The following GPC5 variants were observed in gnomAD, a reference collection of about 807,000 sequenced individuals.
GPC5 encodes glypican 5, also known as glypican-5.
GPC5 carries 47 observed loss-of-function variants against 53.9 expected under a neutral mutation model. The ratio of observed to expected loss-of-function variants is 0.87; its 90% CI spans 0.69 to 1.11. The LOEUF (loss-of-function observed/expected upper bound fraction) is 1.11. GPC5 is among the 50% of genes most tolerant of loss of function. GPC5 has a pLI of 0.00. For missense variants in GPC5, 748 were observed against 713.1 expected (o/e 1.05, Z -0.56); for synonymous variants, 286 against 263.3 (o/e 1.09, Z -0.84).
At chr13:91,743,794 C>A (rs1313350094) in intron 4 of GPC5, among the ~76,000 whole-genome samples, 1 of 152,162 alleles carries the variant, frequency 6.6e-6, no homozygotes, top group Admixed American at 6.5e-5. Context: ...CCACCATGAT[C>A]TGTAGAATCA....
chr13:92,839,436 G>C (rs1197390188), intron 7 of GPC5, among the ~76,000 whole-genome samples: 1 of 151,964 alleles, frequency 6.6e-6, no homozygotes, highest in East Asian at 1.9e-4. Context: ...TATTTTTCCT[G>C]ATCTTCTCAC....
At chr13:92,150,286 T>C (rs1233856954) in intron 7 of GPC5, among the ~76,000 whole-genome samples, 1 of 141,504 alleles carries the variant, frequency 7.1e-6, no homozygotes, top group Non-Finnish European at 1.5e-5. Flanking sequence ...GATAAAACCA[T>C]AGAAAAATTC....
chr13:91,617,886 A>G (rs566062647), intron 2 of GPC5, among the ~76,000 whole-genome samples: 2 of 152,296 alleles, frequency 1.3e-5, no homozygotes, highest in South Asian at 4.1e-4. Flanking sequence ...GAAAGCAGCC[A>G]TAGACAATAT....
At position 91,714,383 on chromosome 13, in the gene GPC5, C is replaced by T. The variant is rs1019393673; in HGVS notation, c.1021-14149C>T. 2.6e-5 allele frequency among the ~76,000 whole-genome samples: 4 copies of T among 152,184 alleles called. No individual in the cohort carries two copies. In the East Asian group the frequency reaches 7.7e-4, roughly 29 times the overall value. On this transcript the variant is annotated intron_variant, in intron 3 of 7. Transcript: ENST00000377067. ...TTAGGATACAATCACACACACACAC[C>T]GTGGAAGATTATGCAAGGTTCATAA...
intron 7 of GPC5, among the ~76,000 whole-genome samples, chr13:92,640,100 T>G (rs908066078): frequency 6.6e-6 from 1 of 152,084 alleles, no homozygotes; most frequent in African/African-American, 2.4e-5. Flanking sequence ...CAGATATATA[T>G]GTATGCACAA....
At chr13:91,861,415 G>A (rs1402731043) in intron 5 of GPC5, among the ~76,000 whole-genome samples, 1 of 151,906 alleles carries the variant, frequency 6.6e-6, no homozygotes, top group Non-Finnish European at 1.5e-5. Flanking sequence ...GCCCCCTTTG[G>A]CATATTATTG....
intron 2 of GPC5, among the ~76,000 whole-genome samples, chr13:91,614,523 G>C (rs2139328484): frequency 6.6e-6 from 1 of 152,106 alleles, no homozygotes; most frequent in South Asian, 2.1e-4. Context: ...GTAGAGACAG[G>C]ATCTCCCTAT....
chr13:92,057,144 G>A (rs2041081485), intron 6 of GPC5, among the ~76,000 whole-genome samples: 1 of 152,102 alleles, frequency 6.6e-6, no homozygotes, highest in Non-Finnish European at 1.5e-5. Context: ...TATCTGGATG[G>A]CAATAGATTT....
chr13:91,568,701 T>A (rs1193199006), intron 2 of GPC5, among the ~76,000 whole-genome samples: 1 of 152,000 alleles, frequency 6.6e-6, no homozygotes, highest in African/African-American at 2.4e-5. Context: ...GTACTTATCT[T>A]AAAATAGGCT....
At chr13:91,452,473 G>A (rs1175448800) in intron 2 of GPC5, among the ~76,000 whole-genome samples, 1 of 152,124 alleles carries the variant, frequency 6.6e-6, no homozygotes, top group Non-Finnish European at 1.5e-5. Flanking sequence ...AACAATAACT[G>A]TTCTTCATTT....
intron 7 of GPC5, among the ~76,000 whole-genome samples, chr13:92,467,798 G>A (rs1566603212): frequency 1.3e-5 from 2 of 151,780 alleles, no homozygotes; most frequent in Admixed American, 6.6e-5. Context: ...TTCCCTCCCC[G>A]AAAAAACATT....
At chr13:91,536,772 T>G (rs1271645750) in intron 2 of GPC5, among the ~76,000 whole-genome samples, 1 of 152,162 alleles carries the variant, frequency 6.6e-6, no homozygotes, top group Non-Finnish European at 1.5e-5. Flanking sequence ...CCCAGAACTA[T>G]GAAACAATAA....
intron 7 of GPC5, among the ~76,000 whole-genome samples, chr13:92,557,078 A>G (rs780801409): frequency 4.6e-5 from 7 of 151,442 alleles, no homozygotes; most frequent in Admixed American, 1.3e-4. Context: ...TGGTCTTAGC[A>G]CGATTTTAGG....
chr13:91,785,306 C>G (rs763016697), intron 5 of GPC5, among the ~76,000 whole-genome samples: 1 of 152,152 alleles, frequency 6.6e-6, no homozygotes, highest in Non-Finnish European at 1.5e-5. Flanking sequence ...AGCAGTATCC[C>G]TGGTCTCTAA....
rs199916847 is a variant in GPC5, at chr13:92,734,709, T to TA, written c.1562-131571dup. The stretch of plus-strand genomic sequence containing the variant: ...TTCAAATTAGAAAATGTAGTGTACT[T>TA]AATGTTTTCTTTGTTGCTTTTCAGT... On this transcript the variant is annotated intron_variant, in intron 7 of 7. Coordinates refer to ENST00000377067, the MANE Select transcript of GPC5 (RefSeq NM_004466.6). Among the ~76,000 whole-genome samples the TA allele has an allele frequency of 6.0e-3, 919 of 152,016 alleles. 12 individuals carry two copies. Among genetic ancestry groups the TA allele is most frequent in the African/African-American group, 0.021 (878 of 41,522 alleles).
chr13:91,923,322 G>A (rs2039735042), intron 6 of GPC5, among the ~76,000 whole-genome samples: 1 of 152,162 alleles, frequency 6.6e-6, no homozygotes, highest in Admixed American at 6.5e-5. Flanking sequence ...GTTTGTCAGA[G>A]CAGAGCAATT....
At chr13:92,592,707 T>C (rs1883752824) in intron 7 of GPC5, among the ~76,000 whole-genome samples, 1 of 150,888 alleles carries the variant, frequency 6.6e-6, no homozygotes, top group Non-Finnish European at 1.5e-5. Flanking sequence ...AGGGAGTGAG[T>C]GGTTCATAAG....
intron 7 of GPC5, among the ~76,000 whole-genome samples, chr13:92,858,690 G>A (rs548375476): frequency 1.3e-5 from 2 of 152,206 alleles, no homozygotes; most frequent in South Asian, 4.1e-4. Context: ...GGCTGAAAAA[G>A]TTCCTATTGG....
At chr13:92,007,767 C>A (rs1450484252) in intron 6 of GPC5, among the ~76,000 whole-genome samples, 1 of 152,038 alleles carries the variant, frequency 6.6e-6, no homozygotes. Context: ...CTAGCTTGTT[C>A]TTTTCCTCCT....
Sources: allele counts gnomAD v4.1 joint callset (sites outside exome capture counted in the v4.1 genomes callset), GRCh38; gene constraint gnomAD v4.1.1; transcripts MANE v1.5; gene names NCBI Gene and HGNC (gene_info 2026-07-23, HGNC 2026-07-21).